Variants in KEL observed in about 807,000 individuals in gnomAD.
KEL encodes the protein Kell metallo-endopeptidase (Kell blood group), also known as kell blood group glycoprotein.
A neutral mutation model predicts 99.5 loss-of-function variants in KEL; 96 were observed. That is an observed-to-expected ratio of 0.97 (90% CI 0.82 to 1.14). The LOEUF is 1.14. Ranked by LOEUF, KEL falls within the 50% of genes most tolerant of loss-of-function variation. The pLI is 0.00. For synonymous variants in KEL, 355 were observed against 354.8 expected (o/e 1.00, Z -0.01); for missense variants, 926 against 924.2 (o/e 1.00, Z -0.03).
intron 10 of KEL, among the ~76,000 whole-genome samples, chr7:142,948,299 GAAA>G (rs943236265): frequency 6.6e-6 from 1 of 150,878 alleles, no homozygotes; most frequent in African/African-American, 2.4e-5. Flanking sequence ...TAGAATTCGA[GAAA>G]AAAAAGTCTC....
chr7:142,958,944 T>C (rs548711117), intron 4 of KEL, among the ~76,000 whole-genome samples: 1 of 152,328 alleles, frequency 6.6e-6, no homozygotes, highest in East Asian at 1.9e-4. Flanking sequence ...TAAATTCACC[T>C]GTACCCTGGA....
intron 9 of KEL, 45 bp from the exon 10 acceptor site, chr7:142,952,683 G>T (rs746307062): frequency 1.2e-6 from 2 of 1,611,166 alleles, no homozygotes; most frequent in South Asian, 1.1e-5. Context: ...AGGAATCTGG[G>T]GATGCTTCAA....
chr7:142,944,817 C>A (rs1796478184), intron 11 of KEL, 76 bp from the exon 12 acceptor site: 4 of 1,214,838 alleles, frequency 3.3e-6, no homozygotes, highest in Non-Finnish European at 4.8e-6. Flanking sequence ...CAGCTTCTGA[C>A]CCTTGGAAAA....
chr7:142,945,933 T>G (rs1796512029), intron 11 of KEL: 2 of 528,280 alleles, frequency 3.8e-6, no homozygotes, highest in Non-Finnish European at 6.8e-6. Context: ...TGGCTCGATT[T>G]TCTCATTTGA....
At chr7:142,950,341 C>T (rs8176005) in intron 10 of KEL, among the ~76,000 whole-genome samples, 12,508 of 152,182 alleles carry the variant, frequency 0.082, 1,213 homozygotes, top group African/African-American at 0.24. Flanking sequence ...TGCCCTGGCT[C>T]CCTTGCTGAT....
rs538256865 is a variant in KEL, at chr7:142,941,469, G to A, written c.2038-56C>T. ...AGGGTCCACAGGACAAAGCTGACCC[G>A]GTGACAAGGGGTGATCAGGGACAGC... On this transcript the variant is annotated intron_variant, in intron 18 of 18. Transcript: ENST00000355265. 147 of 1,481,802 alleles carry A rather than the reference G, an allele frequency of 9.9e-5. No individual in the cohort carries two copies. The East Asian group carries it at 1.3e-3, about 13-fold the overall frequency. The allele number at this position is 1,481,802 out of a possible 1,614,324, so 91.8% of individuals were successfully genotyped here.
Position 142,957,989 on chromosome 7 carries a change from A to G in KEL, c.526-16T>C, listed in dbSNP as rs775584128. On this transcript the variant is annotated splice_polypyrimidine_tract_variant and intron_variant, in intron 5 of 18. Coordinates refer to ENST00000355265, the MANE Select transcript of KEL (RefSeq NM_000420.3). ...AGCCTCCAAGCTTTAAAGGAGAGAG[A>G]GGGGGCTGAGCATAAGGATCCGTGG... 2 of 1,612,474 alleles carry G rather than the reference A, an allele frequency of 1.2e-6. No individual in the cohort carries two copies. Among genetic ancestry groups the G allele is most frequent in the Non-Finnish European group, 1.7e-6 (2 of 1,179,292 alleles).
chr7:142,956,720 T>C lies in KEL; in HGVS notation c.672+1107A>G, dbSNP rs769898919. Among the ~76,000 whole-genome samples, 4 of 152,134 alleles carry C rather than the reference T, an allele frequency of 2.6e-5. No homozygotes were observed. The East Asian group carries it at 7.7e-4, about 29-fold the overall frequency. ...GCTGGCTTAGCTCACCTTCTCTCAT[T>C]CTCTCCTCTCTGAGCCTCTCCTTAA... On this transcript the variant is annotated intron_variant, in intron 6 of 18. Transcript: ENST00000355265.
At chr7:142,942,227 T>C (rs2116636072) in intron 18 of KEL, 1 of 590,128 alleles carries the variant, frequency 1.7e-6, no homozygotes, top group Non-Finnish European at 3.0e-6. Context: ...GTTGTGGGGG[T>C]GCTGAACTAG....
At chr7:142,959,698 G>A (rs1280165760) in intron 4 of KEL, among the ~76,000 whole-genome samples, 1 of 152,126 alleles carries the variant, frequency 6.6e-6, no homozygotes, top group Non-Finnish European at 1.5e-5. Flanking sequence ...ATAATCAAAT[G>A]CAAGTCTCTC....
chr7:142,958,101 C>T, intron 5 of KEL, 128 bp from the exon 6 acceptor site: 1 of 1,333,008 alleles, frequency 7.5e-7, no homozygotes, highest in South Asian at 1.3e-5. Flanking sequence ...TCTAGGAAGC[C>T]ACATCTATCC....
Position 142,962,194 on chromosome 7 carries a change from G to A in KEL, c.3+10C>T, listed in dbSNP as rs780224993. ...CCCCGCTAAGCCTCTGACTCCAAAA[G>A]GGGACTTACCATCTGTCTATCTTCT... On this transcript the variant is annotated intron_variant, in intron 1 of 18. Coordinates refer to ENST00000355265, the MANE Select transcript of KEL (RefSeq NM_000420.3). 1.6e-5 allele frequency: 26 copies of A among 1,614,108 alleles called. No individual in the cohort carries two copies. Among genetic ancestry groups the A allele is most frequent in the Non-Finnish European group, 2.1e-5 (25 of 1,180,002 alleles).
At chr7:142,946,458 G>C (rs1474654758) in intron 10 of KEL, 141 bp from the exon 11 acceptor site, 3 of 713,014 alleles carry the variant, frequency 4.2e-6, no homozygotes, top group Admixed American at 2.0e-5. Context: ...CTATCCCTTA[G>C]GGTGATGCAC....
rs1177638176 is a variant in KEL, at chr7:142,944,639, T to G, written c.1413+4A>C. The G allele has an allele frequency of 6.2e-7, 1 of 1,611,450 alleles. No individual in the cohort carries two copies. Among genetic ancestry groups the G allele is most frequent in the East Asian group, 2.2e-5 (1 of 44,856 alleles). On this transcript the variant is annotated splice_donor_region_variant and intron_variant, in intron 12 of 18. Coordinates refer to ENST00000355265, the MANE Select transcript of KEL (RefSeq NM_000420.3). ...CCCACACCAGCCAGGACGCCTGGCCTGACCTTGTCCTGGGCCATGTTCTGG... is the reference window on the plus strand; with the variant it reads ...CCCACACCAGCCAGGACGCCTGGCCGGACCTTGTCCTGGGCCATGTTCTGG...
chr7:142,952,438 G>A (rs772993138), intron 10 of KEL, 71 bp downstream of exon 10: 19 of 1,589,720 alleles, frequency 1.2e-5, no homozygotes, highest in African/African-American at 4.0e-5. Flanking sequence ...GAGAGATGCC[G>A]ACATTTACCC....
At position 142,952,489 on chromosome 7, in the gene KEL, A is replaced by T. The variant is rs1270717159; in HGVS notation, c.1203+20T>A. On this transcript the variant is annotated intron_variant, in intron 10 of 18. Transcript: ENST00000355265. ...ACTCCTTTCGAGTATCTGGGCAAAT[A>T]CACCCGCTCCTCTCCTCACCATGGG... is the stretch of plus-strand genomic sequence containing the variant. The T allele has an allele frequency of 1.9e-6, 3 of 1,613,256 alleles. No individual in the cohort carries two copies. The Admixed American group carries it at 5.0e-5, about 27-fold the overall frequency.
intron 5 of KEL, 52 bp from the exon 6 acceptor site, chr7:142,958,025 C>T (rs1240154096): frequency 1.3e-5 from 20 of 1,594,558 alleles, no homozygotes; most frequent in Non-Finnish European, 1.3e-5. Flanking sequence ...AGCCCATCCC[C>T]CATTGTCTGG....
Position 142,957,335 on chromosome 7 carries a change from G to A in KEL, c.672+492C>T, listed in dbSNP as rs536449260. Among the ~76,000 whole-genome samples the A allele has an allele frequency of 4.6e-5, 7 of 152,120 alleles. No individual in the cohort carries two copies. In the East Asian group the frequency reaches 1.2e-3, roughly 25 times the overall value. ...GGGGTAAGGGAGAGAAGGAATGTAC[G>A]GGAGATAAGGCTGGAGAAGTGTGTA... On this transcript the variant is annotated intron_variant, in intron 6 of 18. Transcript: ENST00000355265.
At chr7:142,948,852 G>A (rs1226992169) in intron 10 of KEL, among the ~76,000 whole-genome samples, 1 of 151,730 alleles carries the variant, frequency 6.6e-6, no homozygotes, top group East Asian at 1.9e-4. Context: ...GCGACAGTCA[G>A]TTGTTGCCAC....
Sources: allele counts gnomAD v4.1 joint callset (sites outside exome capture counted in the v4.1 genomes callset), GRCh38; gene constraint gnomAD v4.1.1; transcripts MANE v1.5; gene names NCBI Gene and HGNC (gene_info 2026-07-23, HGNC 2026-07-21).